CNTNAP2: variants seen among roughly 807,000 people sequenced by gnomAD.
CNTNAP2 encodes the protein contactin-associated protein-like 2.
Under a neutral mutation model 155.2 loss-of-function variants are expected in CNTNAP2, and 98 were observed. The ratio of observed to expected loss-of-function variants is 0.63; its 90% CI spans 0.54 to 0.75. The LOEUF (loss-of-function observed/expected upper bound fraction) is 0.75. CNTNAP2 is among the 30% of genes least tolerant of loss of function. The pLI, the probability that CNTNAP2 is intolerant of heterozygous loss-of-function variation, is 0.00. For missense variants in CNTNAP2, 1,727 were observed against 1,688.1 expected (o/e 1.02, Z -0.40); for synonymous variants, 651 against 631.2 (o/e 1.03, Z -0.47).
intron 1 of CNTNAP2, among the ~76,000 whole-genome samples, chr7:146,179,673 G>T (rs1225803125): frequency 1.3e-5 from 2 of 152,052 alleles, no homozygotes; most frequent in African/African-American, 2.4e-5. Context: ...AAGTGAATTG[G>T]CCAGGTCATA....
chr7:148,232,491 C>T (rs930093468), intron 20 of CNTNAP2, among the ~76,000 whole-genome samples: 1 of 152,158 alleles, frequency 6.6e-6, no homozygotes, highest in Non-Finnish European at 1.5e-5. Flanking sequence ...TTTTCTATTT[C>T]CCCATTTTCT....
intron 11 of CNTNAP2, among the ~76,000 whole-genome samples, chr7:147,545,471 TAA>T (rs1799713020): frequency 6.6e-6 from 1 of 152,216 alleles, no homozygotes; most frequent in Non-Finnish European, 1.5e-5. Context: ...CAAGCCTCCC[TAA>T]AAATTAAGTG....
At chr7:146,619,211 A>T (rs1411206311) in intron 1 of CNTNAP2, among the ~76,000 whole-genome samples, 1 of 152,178 alleles carries the variant, frequency 6.6e-6, no homozygotes, top group African/African-American at 2.4e-5. Flanking sequence ...TAATATTTAA[A>T]TTCTTTCCCT....
intron 21 of CNTNAP2, among the ~76,000 whole-genome samples, chr7:148,324,248 A>T (rs1797851319): frequency 6.6e-6 from 1 of 152,094 alleles, no homozygotes; most frequent in South Asian, 2.1e-4. Flanking sequence ...CATAGGCAAG[A>T]ACCCACAAAG....
chr7:146,272,947 G>A (rs1800105013), intron 1 of CNTNAP2, among the ~76,000 whole-genome samples: 1 of 152,056 alleles, frequency 6.6e-6, no homozygotes, highest in South Asian at 2.1e-4. Context: ...AGAAGTGAAG[G>A]AGGAGTTCAC....
chr7:147,560,142 T>A (rs776456534), intron 11 of CNTNAP2, among the ~76,000 whole-genome samples: 1 of 98,512 alleles, frequency 1.0e-5, no homozygotes, highest in African/African-American at 4.1e-5. Context: ...CATTCCAGCC[T>A]GGGCAACAAG....
Position 146,882,771 on chromosome 7 carries a change from C to T in CNTNAP2, c.402+42867C>T, listed in dbSNP as rs114533733. Among the ~76,000 whole-genome samples, 569 of 152,190 alleles carry T rather than the reference C, an allele frequency of 3.7e-3. 2 individuals are homozygous for T. The highest frequency in any genetic ancestry group is 0.013 in the African/African-American group (555 of 41,536). On this transcript the variant is annotated intron_variant, in intron 3 of 23. Coordinates refer to ENST00000361727, the MANE Select transcript of CNTNAP2 (RefSeq NM_014141.6). ...CAAAAATAAGTAGCATTTCTGTACA[C>T]AAATAATGTTCAGGCTGAGAACCAA...
intron 14 of CNTNAP2, among the ~76,000 whole-genome samples, chr7:147,924,062 G>A (rs765640970): frequency 1.3e-5 from 2 of 151,916 alleles, no homozygotes; most frequent in African/African-American, 4.8e-5. Flanking sequence ...GTCTGATGAT[G>A]TTGGACAGCT....
At chr7:147,096,848 G>A (rs1413323118) in intron 4 of CNTNAP2, among the ~76,000 whole-genome samples, 1 of 152,188 alleles carries the variant, frequency 6.6e-6, no homozygotes. Flanking sequence ...AAATCACTGA[G>A]GTGTGTTCAC....
chr7:148,029,368 G>A (rs935766407), intron 15 of CNTNAP2, among the ~76,000 whole-genome samples: 1 of 152,038 alleles, frequency 6.6e-6, no homozygotes, highest in Non-Finnish European at 1.5e-5. Flanking sequence ...TTCTTATGCC[G>A]AGTTTGCTAA....
intron 17 of CNTNAP2, among the ~76,000 whole-genome samples, chr7:148,164,246 G>T (rs1805606513): frequency 2.0e-5 from 3 of 151,512 alleles, no homozygotes; most frequent in Admixed American, 1.3e-4. Flanking sequence ...CCCACCACAG[G>T]TTTTTTTTTA....
intron 3 of CNTNAP2, among the ~76,000 whole-genome samples, chr7:146,984,734 T>C (rs1009218867): frequency 6.6e-6 from 1 of 152,186 alleles, no homozygotes; most frequent in Non-Finnish European, 1.5e-5. Flanking sequence ...GTCTCTAATA[T>C]TTTTTCCCCA....
At chr7:146,702,410 T>A (rs1466584678) in intron 1 of CNTNAP2, among the ~76,000 whole-genome samples, 1 of 152,140 alleles carries the variant, frequency 6.6e-6, no homozygotes, top group Non-Finnish European at 1.5e-5. Flanking sequence ...GGCAGAGAAT[T>A]GTGAAATACT....
chr7:146,887,325 A>ATGTTT (rs1054893127), intron 3 of CNTNAP2, among the ~76,000 whole-genome samples: 4 of 151,490 alleles, frequency 2.6e-5, no homozygotes, highest in African/African-American at 9.7e-5. Flanking sequence ...ATTCTGTTTT[A>ATGTTT]TGTTTTGTTT....
At chr7:147,015,380 T>A (rs1290538491) in intron 3 of CNTNAP2, among the ~76,000 whole-genome samples, 2 of 152,124 alleles carry the variant, frequency 1.3e-5, no homozygotes, top group African/African-American at 4.8e-5. Context: ...TGTCTTCAAA[T>A]GCAGCAGATA....
At chr7:146,749,133 C>A (rs1029391923) in intron 1 of CNTNAP2, among the ~76,000 whole-genome samples, 2 of 151,904 alleles carry the variant, frequency 1.3e-5, no homozygotes, top group African/African-American at 4.8e-5. Flanking sequence ...TACATATATA[C>A]ATAGGTATAC....
chr7:147,071,325 C>CAAAA (rs57444105), intron 4 of CNTNAP2, among the ~76,000 whole-genome samples: 3,460 of 132,840 alleles, frequency 0.026, 131 homozygotes, highest in African/African-American at 0.083. Flanking sequence ...GATTATCCTG[C>CAAAA]AAAAAAAAAA....
chr7:147,969,341 C>T lies in CNTNAP2; in HGVS notation c.2256-8521C>T, dbSNP rs561051199. 5.9e-4 allele frequency among the ~76,000 whole-genome samples: 90 copies of T among 152,214 alleles called. 1 individual carries two copies. The South Asian group carries it at 0.016, about 27-fold the overall frequency. On this transcript the variant is annotated intron_variant, in intron 14 of 23. Coordinates refer to ENST00000361727, the MANE Select transcript of CNTNAP2 (RefSeq NM_014141.6). ...GCTGGGATTAAGGGATGAGCCCCCA[C>T]GCCCAGCCAAACTGGGCCCCTTCTG...
chr7:148,268,919 C>T (rs1357662255), intron 21 of CNTNAP2, among the ~76,000 whole-genome samples: 1 of 151,702 alleles, frequency 6.6e-6, no homozygotes, highest in African/African-American at 2.4e-5. Flanking sequence ...TGCTGTAATC[C>T]CTGTGGCAGT....
Sources: gnomAD v4.1 joint callset for allele counts (sites outside exome capture counted in the v4.1 genomes callset) on GRCh38, gnomAD v4.1.1 for gene constraint, MANE v1.5 for transcripts, NCBI Gene and HGNC (gene_info 2026-07-23, HGNC 2026-07-21) for gene names.